The following PIP5K1B variants were observed in gnomAD, a reference collection of about 807,000 sequenced individuals.
PIP5K1B encodes the protein phosphatidylinositol-4-phosphate 5-kinase type 1 beta, also known as phosphatidylinositol 4-phosphate 5-kinase type-1 beta.
Under a neutral mutation model 67.0 loss-of-function variants are expected in PIP5K1B, and 42 were observed. The ratio of observed to expected loss-of-function variants is 0.63; its 90% confidence interval spans 0.49 to 0.81. The LOEUF (loss-of-function observed/expected upper bound fraction) is 0.81. PIP5K1B is among the 30% of genes least tolerant of loss of function. The pLI is 0.00. For missense variants in PIP5K1B, 459 were observed against 646.3 expected (o/e 0.71, Z 3.14); for synonymous variants, 214 against 231.4 (o/e 0.92, Z 0.68).
chr9:68,830,815 C>G (rs775845979), intron 4 of PIP5K1B, among the ~76,000 whole-genome samples: 1 of 152,110 alleles, frequency 6.6e-6, no homozygotes, highest in Non-Finnish European at 1.5e-5. Flanking sequence ...CACAACGATG[C>G]TTTTGTTTTT....
At position 69,008,441 on chromosome 9, in the gene PIP5K1B, C is replaced by G; in HGVS notation, c.1621-6C>G. The G allele has an allele frequency of 6.2e-7, 1 of 1,613,664 alleles. No homozygotes were observed. Among genetic ancestry groups the G allele is most frequent in the Non-Finnish European group, 8.5e-7 (1 of 1,179,672 alleles). ...AGTCTCACACCTGCTTTTTTGCTCC[C>G]CCCAGTAAGTGAAAATGGTGATCAC... On this transcript the variant is annotated splice_region_variant and splice_polypyrimidine_tract_variant and intron_variant, in intron 15 of 15. Coordinates refer to ENST00000265382, the MANE Select transcript of PIP5K1B (RefSeq NM_003558.4).
intron 14 of PIP5K1B, among the ~76,000 whole-genome samples, chr9:68,960,981 C>T (rs866544442): frequency 5.9e-5 from 9 of 151,976 alleles, no homozygotes; most frequent in African/African-American, 1.9e-4. Flanking sequence ...GAGGCCGAGG[C>T]GGGTGGATCA....
At chr9:68,785,930 G>C (rs565584941) in intron 2 of PIP5K1B, among the ~76,000 whole-genome samples, 36 of 152,296 alleles carry the variant, frequency 2.4e-4, no homozygotes, top group African/African-American at 8.4e-4. Context: ...CTTTCTTATA[G>C]TGAACAGACA....
At chr9:68,921,663 T>C (rs11144313) in intron 11 of PIP5K1B, among the ~76,000 whole-genome samples, 31,904 of 151,706 alleles carry the variant, frequency 0.21, 4,040 homozygotes, top group African/African-American at 0.36. Flanking sequence ...CCAGCCTGGC[T>C]AACATGGTGA....
intron 14 of PIP5K1B, among the ~76,000 whole-genome samples, chr9:68,954,647 A>G (rs1326160747): frequency 6.6e-6 from 1 of 152,258 alleles, no homozygotes; most frequent in Non-Finnish European, 1.5e-5. Context: ...ACAGTAAATC[A>G]GGAAATGAGG....
intron 2 of PIP5K1B, among the ~76,000 whole-genome samples, chr9:68,793,131 G>GT (rs1331492377): frequency 6.6e-6 from 1 of 152,242 alleles, no homozygotes; most frequent in Admixed American, 6.5e-5. Context: ...TATAGTGTAA[G>GT]GAACAGGAGC....
intron 5 of PIP5K1B, among the ~76,000 whole-genome samples, chr9:68,870,477 A>C (rs1257147865): frequency 6.6e-6 from 1 of 152,204 alleles, no homozygotes; most frequent in African/African-American, 2.4e-5. Flanking sequence ...AATTTGGCAA[A>C]AAAGAGGACC....
intron 11 of PIP5K1B, among the ~76,000 whole-genome samples, chr9:68,921,645 G>T (rs1284995741): frequency 6.6e-6 from 1 of 152,182 alleles, no homozygotes; most frequent in African/African-American, 2.4e-5. Flanking sequence ...GAGGTCAGGA[G>T]TTCGAGACCA....
At chr9:68,714,378 T>TTTGC (rs1827536610) in intron 1 of PIP5K1B, among the ~76,000 whole-genome samples, 1 of 152,208 alleles carries the variant, frequency 6.6e-6, no homozygotes, top group Admixed American at 6.5e-5. Context: ...GTCTATTGAT[T>TTTGC]TTGCTTCCTG....
intron 9 of PIP5K1B, among the ~76,000 whole-genome samples, chr9:68,918,235 A>C (rs189696632): frequency 6.6e-6 from 1 of 151,990 alleles, no homozygotes; most frequent in Admixed American, 6.6e-5. Flanking sequence ...AATTACAAAC[A>C]TGCACCACTA....
intron 2 of PIP5K1B, among the ~76,000 whole-genome samples, chr9:68,802,881 T>G (rs979679842): frequency 4.6e-5 from 7 of 152,118 alleles, no homozygotes; most frequent in African/African-American, 1.4e-4. Context: ...TGGGAAGCCC[T>G]TGCAGGATTT....
intron 4 of PIP5K1B, among the ~76,000 whole-genome samples, chr9:68,848,386 T>C (rs1314229855): frequency 6.6e-6 from 1 of 152,222 alleles, no homozygotes; most frequent in Admixed American, 6.5e-5. Context: ...GCAGGCACAA[T>C]TGCAGTTTCT....
At chr9:68,953,625 G>A (rs1212647083) in intron 14 of PIP5K1B, among the ~76,000 whole-genome samples, 3 of 151,706 alleles carry the variant, frequency 2.0e-5, no homozygotes, top group Non-Finnish European at 2.9e-5. Context: ...AGACCAGCCT[G>A]GGCAATACTA....
At chr9:68,995,809 A>AG (rs1830580568) in intron 15 of PIP5K1B, among the ~76,000 whole-genome samples, 1 of 151,528 alleles carries the variant, frequency 6.6e-6, no homozygotes, top group Non-Finnish European at 1.5e-5. Flanking sequence ...CCGTCTCAAA[A>AG]AAAAAAAAAA....
intron 2 of PIP5K1B, among the ~76,000 whole-genome samples, chr9:68,769,671 G>C (rs1164339055): frequency 6.6e-6 from 1 of 152,004 alleles, no homozygotes; most frequent in Non-Finnish European, 1.5e-5. Context: ...ATACACTCTA[G>C]GCTTTTGGTC....
At chr9:68,987,112 T>C (rs1337328131) in intron 14 of PIP5K1B, among the ~76,000 whole-genome samples, 1 of 150,692 alleles carries the variant, frequency 6.6e-6, no homozygotes, top group Non-Finnish European at 1.5e-5. Context: ...ATTAGCTGGG[T>C]GGGGTGGCAT....
At chr9:68,857,959 T>TTTG (rs71353086) in intron 4 of PIP5K1B, among the ~76,000 whole-genome samples, 48,453 of 149,254 alleles carry the variant, frequency 0.32, 8,003 homozygotes, top group East Asian at 0.42. Context: ...CTCTTGCTGT[T>TTTG]TTGTTGTTGT....
intron 2 of PIP5K1B, among the ~76,000 whole-genome samples, chr9:68,749,370 G>C (rs1829501411): frequency 1.3e-5 from 2 of 152,160 alleles, no homozygotes; most frequent in Non-Finnish European, 2.9e-5. Flanking sequence ...CCAGGAACTG[G>C]AAGGGGCGAG....
chr9:68,742,459 C>T lies in PIP5K1B; in HGVS notation c.-242-42C>T, dbSNP rs146107689. On this transcript the variant is annotated intron_variant, in intron 1 of 15. Coordinates refer to ENST00000265382, the MANE Select transcript of PIP5K1B (RefSeq NM_003558.4). ...ATACATTCACTTATTCCCCTCTTCA[C>T]CATGATTGTTTGAGGTAGGCATTAT... 65 of 152,274 alleles carry T rather than the reference C, an allele frequency of 4.3e-4. No homozygotes were observed. The East Asian group carries it at 0.012, about 28-fold the overall frequency. The allele number at this position is 152,274 out of a possible 1,614,324, so 9.4% of individuals were successfully genotyped here. A position where few individuals can be genotyped will look rare whatever the true frequency, so the allele number is the denominator to read the frequency against.
Sources: gnomAD v4.1 joint callset for allele counts (sites outside exome capture counted in the v4.1 genomes callset) on GRCh38, gnomAD v4.1.1 for gene constraint, MANE v1.5 for transcripts, NCBI Gene and HGNC (gene_info 2026-07-23, HGNC 2026-07-21) for gene names.